Variants in MACROD2 observed in about 807,000 individuals in gnomAD.
The protein encoded by MACROD2 is ADP-ribose glycohydrolase MACROD2.
MACROD2 carries 36 observed loss-of-function variants against 70.4 expected under a neutral mutation model. That is an observed-to-expected ratio of 0.51 (90% CI 0.39 to 0.68). The LOEUF is 0.68. Ranked by LOEUF, MACROD2 falls within the 30% of genes least tolerant of loss-of-function variation. The pLI, the probability that MACROD2 is intolerant of heterozygous loss-of-function variation, is 0.00. For synonymous variants in MACROD2, 172 were observed against 178.8 expected (o/e 0.96, Z 0.30); for missense variants, 496 against 538.4 (o/e 0.92, Z 0.78).
chr20:15,814,901 A>T (rs147495987), intron 8 of MACROD2, among the ~76,000 whole-genome samples: 1 of 152,228 alleles, frequency 6.6e-6, no homozygotes, highest in African/African-American at 2.4e-5. Context: ...ATGAAGTGTG[A>T]TGATTATGCC....
intron 8 of MACROD2, among the ~76,000 whole-genome samples, chr20:15,667,916 T>C: frequency 6.6e-6 from 1 of 152,196 alleles, no homozygotes; most frequent in Admixed American, 6.5e-5. Context: ...AAGTTCCATC[T>C]TGAGGTGTGA....
intron 5 of MACROD2, among the ~76,000 whole-genome samples, chr20:14,915,836 A>T (rs942867623): frequency 6.6e-6 from 1 of 152,164 alleles, no homozygotes; most frequent in Non-Finnish European, 1.5e-5. Context: ...GGTAGCTGCG[A>T]GTCATCATTC....
At chr20:15,081,428 G>A (rs962039338) in intron 5 of MACROD2, among the ~76,000 whole-genome samples, 3 of 152,100 alleles carry the variant, frequency 2.0e-5, no homozygotes, top group Non-Finnish European at 4.4e-5. Flanking sequence ...AGAAGCTGAA[G>A]CTTAAATTTA....
intron 8 of MACROD2, among the ~76,000 whole-genome samples, chr20:15,597,221 C>T (rs1458792618): frequency 6.6e-6 from 1 of 152,176 alleles, no homozygotes; most frequent in Non-Finnish European, 1.5e-5. Context: ...GTGAGAAAAG[C>T]TTCAGTAAGG....
At chr20:14,186,523 C>T (rs1303218261) in intron 3 of MACROD2, among the ~76,000 whole-genome samples, 2 of 152,098 alleles carry the variant, frequency 1.3e-5, no homozygotes, top group Non-Finnish European at 2.9e-5. Flanking sequence ...TTTGTTCAGC[C>T]ATTGTGGAGA....
At chr20:16,023,535 A>G (rs988805354) in intron 15 of MACROD2, among the ~76,000 whole-genome samples, 3 of 151,250 alleles carry the variant, frequency 2.0e-5, no homozygotes, top group Non-Finnish European at 4.4e-5. Context: ...AAGCAGATCT[A>G]TAGGCCAAAT....
rs76751775 is a variant in MACROD2 at position 15,082,623 on chromosome 20, T to A, written c.419-147317T>A. ...ATGCAAGATGTTATTTCTGCATTGATCATTTTAATTCAAGAAATTAGTTTG... is the reference window on the plus strand; with the variant it reads ...ATGCAAGATGTTATTTCTGCATTGAACATTTTAATTCAAGAAATTAGTTTG... On this transcript the variant is annotated intron_variant, in intron 5 of 17. Coordinates refer to ENST00000684519, the MANE Select transcript of MACROD2 (RefSeq NM_001351661.2). 4.3e-4 allele frequency among the ~76,000 whole-genome samples: 65 copies of A among 150,208 alleles called. No individual in the cohort carries two copies. In the East Asian group the frequency reaches 0.013, roughly 30 times the overall value.
At chr20:14,833,650 G>C (rs182661038) in intron 5 of MACROD2, among the ~76,000 whole-genome samples, 1 of 151,660 alleles carries the variant, frequency 6.6e-6, no homozygotes, top group African/African-American at 2.4e-5. Context: ...CAATTATTTC[G>C]ATTTTACTCT....
At chr20:14,435,804 T>C (rs185067471) in intron 3 of MACROD2, among the ~76,000 whole-genome samples, 1 of 152,208 alleles carries the variant, frequency 6.6e-6, no homozygotes, top group Non-Finnish European at 1.5e-5. Flanking sequence ...CCTTCCAGCT[T>C]CAAGTGATTC....
intron 6 of MACROD2, among the ~76,000 whole-genome samples, chr20:15,390,061 G>T (rs2045771708): frequency 6.6e-6 from 1 of 152,306 alleles, no homozygotes; most frequent in Non-Finnish European, 1.5e-5. Flanking sequence ...CACTGGTTGG[G>T]TTCAAGAGAA....
chr20:14,390,882 C>T (rs1330882013), intron 3 of MACROD2, among the ~76,000 whole-genome samples: 2 of 152,108 alleles, frequency 1.3e-5, no homozygotes, highest in Admixed American at 1.3e-4. Flanking sequence ...AAGCACAACA[C>T]CACTGATCAT....
chr20:15,884,444 G>A (rs1818686917), intron 9 of MACROD2, among the ~76,000 whole-genome samples: 1 of 152,034 alleles, frequency 6.6e-6, no homozygotes, highest in Non-Finnish European at 1.5e-5. Context: ...AAAGTGTTTG[G>A]AACCAGGTAT....
intron 4 of MACROD2, among the ~76,000 whole-genome samples, chr20:14,556,286 T>A (rs1352089437): frequency 6.6e-6 from 1 of 151,992 alleles, no homozygotes; most frequent in East Asian, 1.9e-4. Context: ...CTAGATACAG[T>A]GCTACGAAGA....
intron 8 of MACROD2, among the ~76,000 whole-genome samples, chr20:15,622,780 A>T (rs527591737): frequency 6.6e-6 from 1 of 152,348 alleles, no homozygotes; most frequent in African/African-American, 2.4e-5. Flanking sequence ...GAGAGACCAC[A>T]TTCACATAAC....
At chr20:14,169,034 G>T (rs1391223464) in intron 3 of MACROD2, among the ~76,000 whole-genome samples, 1 of 152,182 alleles carries the variant, frequency 6.6e-6, no homozygotes, top group Non-Finnish European at 1.5e-5. Context: ...TACCAGGGAT[G>T]CAGGGATGGT....
At chr20:15,699,988 C>T (rs182153565) in intron 8 of MACROD2, among the ~76,000 whole-genome samples, 1 of 152,220 alleles carries the variant, frequency 6.6e-6, no homozygotes, top group African/African-American at 2.4e-5. Flanking sequence ...TGACTCAGCT[C>T]CAGGTAAAGT....
chr20:14,750,101 G>T (rs2071850601), intron 5 of MACROD2, among the ~76,000 whole-genome samples: 3 of 152,058 alleles, frequency 2.0e-5, no homozygotes, highest in South Asian at 2.1e-4. Context: ...AAAAAGAAAA[G>T]AAATATTCAT....
intron 3 of MACROD2, among the ~76,000 whole-genome samples, chr20:14,388,233 C>T (rs1001618555): frequency 2.6e-5 from 4 of 151,944 alleles, no homozygotes; most frequent in Non-Finnish European, 4.4e-5. Context: ...AGGATGGTCT[C>T]GATCTCCTGA....
intron 2 of MACROD2, among the ~76,000 whole-genome samples, chr20:14,071,252 G>GTGTTTTTTTTTTT (rs2053833710): frequency 1.6e-5 from 1 of 63,936 alleles, no homozygotes; most frequent in African/African-American, 6.3e-5. Context: ...TTCATCTTGT[G>GTGTTTTTTTTTTT]TTTTTTTTTT....
Sources: gnomAD v4.1 joint callset for allele counts (sites outside exome capture counted in the v4.1 genomes callset) on GRCh38, gnomAD v4.1.1 for gene constraint, MANE v1.5 for transcripts, NCBI Gene and HGNC (gene_info 2026-07-23, HGNC 2026-07-21) for gene names.